Variants in EDIL3 observed in about 807,000 individuals in gnomAD.
EDIL3 encodes EGF like and discoidin domains 3.
EDIL3 carries 37 observed loss-of-function variants against 67.4 expected under a neutral mutation model. The observed-to-expected ratio is 0.55, with a 90% CI of 0.42 to 0.72. The LOEUF (loss-of-function observed/expected upper bound fraction) is 0.72, where lower values mean the gene tolerates loss of function less well. EDIL3 is among the 30% of genes least tolerant of loss of function. The pLI, the probability that EDIL3 is intolerant of heterozygous loss-of-function variation, is 0.00. For missense variants in EDIL3, 527 were observed against 586.3 expected (o/e 0.90, Z 1.04); for synonymous variants, 195 against 196.3 (o/e 0.99, Z 0.05).
At chr5:84,007,740 A>G (rs1374734492) in intron 9 of EDIL3, among the ~76,000 whole-genome samples, 1 of 152,174 alleles carries the variant, frequency 6.6e-6, no homozygotes, top group African/African-American at 2.4e-5. Context: ...AAACTAAAAT[A>G]GAACTACCAT....
chr5:84,086,349 G>A (rs1423245560), intron 6 of EDIL3, among the ~76,000 whole-genome samples: 1 of 152,206 alleles, frequency 6.6e-6, no homozygotes, highest in African/African-American at 2.4e-5. Flanking sequence ...TGGGAAAAGC[G>A]TAGTACCCAG....
chr5:84,078,670 A>G (rs947993337), intron 6 of EDIL3: 1 of 152,176 alleles, frequency 6.6e-6, no homozygotes, highest in African/African-American at 2.4e-5. Context: ...AGGGAGGTGA[A>G]GTCTTACATC....
At chr5:84,236,468 A>G (rs920279773) in intron 2 of EDIL3, among the ~76,000 whole-genome samples, 2 of 152,022 alleles carry the variant, frequency 1.3e-5, no homozygotes, top group African/African-American at 2.4e-5. Flanking sequence ...CTTCCTCCCT[A>G]TCCAAACCCA....
chr5:84,220,991 A>G (rs1356823690), intron 3 of EDIL3, among the ~76,000 whole-genome samples: 1 of 152,186 alleles, frequency 6.6e-6, no homozygotes, highest in African/African-American at 2.4e-5. Context: ...CCAGACTTTT[A>G]GAAATATCAT....
At chr5:84,135,347 C>T (rs959811745) in intron 5 of EDIL3, among the ~76,000 whole-genome samples, 6 of 152,192 alleles carry the variant, frequency 3.9e-5, no homozygotes, top group African/African-American at 1.4e-4. Flanking sequence ...TAGACATGCT[C>T]TAATCCAGGT....
At chr5:84,210,080 A>G (rs1744087664) in intron 3 of EDIL3, among the ~76,000 whole-genome samples, 1 of 152,226 alleles carries the variant, frequency 6.6e-6, no homozygotes, top group Non-Finnish European at 1.5e-5. Context: ...TTAGCATTAA[A>G]ACAAAAATTT....
intron 1 of EDIL3, among the ~76,000 whole-genome samples, chr5:84,306,562 G>A (rs1746280904): frequency 6.6e-6 from 1 of 152,118 alleles, no homozygotes; most frequent in African/African-American, 2.4e-5. Flanking sequence ...GACCAATACT[G>A]TTCAGATGGT....
intron 9 of EDIL3, among the ~76,000 whole-genome samples, chr5:84,009,504 T>C (rs966080797): frequency 6.6e-6 from 1 of 152,134 alleles, no homozygotes; most frequent in African/African-American, 2.4e-5. Context: ...ACCATCTATC[T>C]ATGATATAAT....
rs1170972212 is a variant in EDIL3, at chr5:84,340,503, A to ACTCTCTCTCTCT, written c.67+43793_67+43804dup. 3.2e-3 allele frequency among the ~76,000 whole-genome samples: 125 copies of ACTCTCTCTCTCT among 38,628 alleles called. 2 individuals are homozygous for ACTCTCTCTCTCT. Among genetic ancestry groups the ACTCTCTCTCTCT allele is most frequent in the East Asian group, 0.016 (12 of 732 alleles). The allele number at this position is 38,628 out of a possible 152,430, so 25.3% of individuals were successfully genotyped here. The stretch of plus-strand genomic sequence containing the variant: ...CATGGAATTTCACAAAGGGAAGATT[A>ACTCTCTCTCTCT]CTCTCTCTCTCTCTCTCTCTCTCTC... On this transcript the variant is annotated intron_variant, in intron 1 of 10. Coordinates refer to ENST00000296591, the MANE Select transcript of EDIL3 (RefSeq NM_005711.5).
chr5:84,104,275 G>A (rs1320495852), intron 6 of EDIL3, among the ~76,000 whole-genome samples: 2 of 151,636 alleles, frequency 1.3e-5, no homozygotes, highest in Admixed American at 6.6e-5. Flanking sequence ...TATAACTAAT[G>A]GATACTAGGC....
At chr5:84,315,344 C>A (rs1010594166) in intron 1 of EDIL3, among the ~76,000 whole-genome samples, 1 of 152,116 alleles carries the variant, frequency 6.6e-6, no homozygotes, top group African/African-American at 2.4e-5. Flanking sequence ...ACTCTTAATT[C>A]CTCAGATGAA....
chr5:84,279,846 C>T (rs1162642870), intron 1 of EDIL3, among the ~76,000 whole-genome samples: 1 of 152,142 alleles, frequency 6.6e-6, no homozygotes, highest in Non-Finnish European at 1.5e-5. Flanking sequence ...TCCAGACACC[C>T]AGGAATTCTG....
chr5:83,944,984 T>C (rs1292015578), intron 10 of EDIL3, among the ~76,000 whole-genome samples: 1 of 151,984 alleles, frequency 6.6e-6, no homozygotes, highest in African/African-American at 2.4e-5. Flanking sequence ...CCTTCTAGGC[T>C]AGATTGGTTC....
At chr5:84,055,446 A>T (rs1397465429) in intron 9 of EDIL3, among the ~76,000 whole-genome samples, 1 of 135,894 alleles carries the variant, frequency 7.4e-6, no homozygotes, top group Non-Finnish European at 1.5e-5. Context: ...ATAAAAGCCA[A>T]AATTGACAAA....
At chr5:84,044,788 C>T (rs551668309) in intron 9 of EDIL3, among the ~76,000 whole-genome samples, 1 of 151,992 alleles carries the variant, frequency 6.6e-6, no homozygotes, top group African/African-American at 2.4e-5. Context: ...AGCCAGAAGT[C>T]GAAGTGGCAG....
intron 9 of EDIL3, among the ~76,000 whole-genome samples, chr5:84,019,526 T>G (rs891091008): frequency 6.6e-6 from 1 of 151,916 alleles, no homozygotes; most frequent in Non-Finnish European, 1.5e-5. Context: ...ACATGTACCC[T>G]AAAACTTAAA....
chr5:84,320,465 G>T (rs1746613089), intron 1 of EDIL3, among the ~76,000 whole-genome samples: 1 of 151,966 alleles, frequency 6.6e-6, no homozygotes, highest in Admixed American at 6.6e-5. Context: ...AGTTTGAGAA[G>T]TATGGCAGCC....
chr5:84,364,841 C>T (rs1003823971), intron 1 of EDIL3, among the ~76,000 whole-genome samples: 3 of 151,814 alleles, frequency 2.0e-5, no homozygotes, highest in African/African-American at 7.3e-5. Context: ...TTTTCTAACC[C>T]GAAACTTTAA....
intron 5 of EDIL3, among the ~76,000 whole-genome samples, chr5:84,121,185 T>C (rs1490338492): frequency 6.6e-6 from 1 of 152,024 alleles, no homozygotes; most frequent in Non-Finnish European, 1.5e-5. Context: ...CCCCTCCAAC[T>C]TAGTTTCATT....
Sources: allele counts gnomAD v4.1 joint callset (sites outside exome capture counted in the v4.1 genomes callset), GRCh38; gene constraint gnomAD v4.1.1; transcripts MANE v1.5; gene names NCBI Gene and HGNC (gene_info 2026-07-23, HGNC 2026-07-21).